The following PCDHGA11 variants were observed in gnomAD, a reference collection of about 807,000 sequenced individuals.
The protein encoded by PCDHGA11 is protocadherin gamma subfamily A, 11, also known as protocadherin gamma-A11.
Under a neutral mutation model 60.4 loss-of-function variants are expected in PCDHGA11, and 39 were observed. That is an observed-to-expected ratio of 0.65 (90% CI 0.50 to 0.84). The LOEUF (loss-of-function observed/expected upper bound fraction) is 0.84, where lower values mean the gene tolerates loss of function less well. Among genes scored for constraint, PCDHGA11 ranks in the 40% least tolerant of loss-of-function variants. The pLI is 0.00. For synonymous variants in PCDHGA11, 533 were observed against 510.3 expected, an observed-to-expected ratio of 1.04 and a Z score of -0.60; for missense variants, 1,165 against 1,197.7, an observed-to-expected ratio of 0.97 and a Z score of 0.40.
intron 1 of PCDHGA11, among the ~76,000 whole-genome samples, chr5:141,470,664 G>A (rs1308061207): frequency 6.6e-6 from 1 of 151,882 alleles, no homozygotes; most frequent in Non-Finnish European, 1.5e-5. Context: ...CTTTGGTTAG[G>A]GCTCTGCTGT....
rs750033444 is a variant in PCDHGA11 at position 141,432,950 on chromosome 5, G to C, written c.2433+9290G>C. 1.2e-6 allele frequency: 2 copies of C among 1,614,190 alleles called. No homozygotes were observed. The highest frequency in any genetic ancestry group is 1.7e-6 in the Non-Finnish European group (2 of 1,180,032). ...ACGCCTGCTGCAGGCTTCAGGAGGC[G>C]GCTTGACAGGAGCGCCGGCGTCGCA... On this transcript the variant is annotated intron_variant, in intron 1 of 3. Transcript: ENST00000398587. The surrounding 1 kb of genome is among the most constrained non-coding windows in gnomAD (Gnocchi z 6.0).
At chr5:141,450,006 C>CTATTTTTTTTT (rs70988802) in intron 1 of PCDHGA11, among the ~76,000 whole-genome samples, 2 of 132,964 alleles carry the variant, frequency 1.5e-5, no homozygotes, top group African/African-American at 2.8e-5. Flanking sequence ...TGCCATGTCT[C>CTATTTTTTTTT]TTTTTTTTTT....
Position 141,423,286 on chromosome 5 carries a change from ACCT to A in PCDHGA11, c.2061_2063del (p.Ser688del), listed in dbSNP as rs554024395. 8.7e-3 allele frequency: 13,966 copies of A among 1,613,746 alleles called. 98 individuals are homozygous for A. The highest frequency in any genetic ancestry group is 0.011 in the Middle Eastern group (68 of 6,062). ...CCTCGAGTCTCTGGCTAACTCTGAAACCTCAGACCTCTCGCTGTACTTGGTGGT... is the reference window on the plus strand; with the variant it reads ...CCTCGAGTCTCTGGCTAACTCTGAAACAGACCTCTCGCTGTACTTGGTGGT... On this transcript the variant is annotated inframe_deletion, in exon 1 of 4. Transcript: ENST00000398587.
At chr5:141,446,657 A>G (rs2098510367) in intron 1 of PCDHGA11, among the ~76,000 whole-genome samples, 1 of 152,092 alleles carries the variant, frequency 6.6e-6, no homozygotes, top group African/African-American at 2.4e-5. Context: ...TTGTATTTTT[A>G]GTACAAGACA....
At chr5:141,459,984 A>G (rs906041823) in intron 1 of PCDHGA11, among the ~76,000 whole-genome samples, 4 of 152,216 alleles carry the variant, frequency 2.6e-5, no homozygotes, top group Non-Finnish European at 5.9e-5. Flanking sequence ...AGGCTGAGAC[A>G]GGAGAATCGC....
At chr5:141,501,308 C>T (rs1220463692) in intron 2 of PCDHGA11, among the ~76,000 whole-genome samples, 2 of 151,492 alleles carry the variant, frequency 1.3e-5, no homozygotes, top group African/African-American at 2.4e-5. Context: ...CACACACACA[C>T]ACACACACAC....
intron 1 of PCDHGA11, among the ~76,000 whole-genome samples, chr5:141,473,422 A>C (rs2154571673): frequency 6.6e-6 from 1 of 152,332 alleles, no homozygotes; most frequent in African/African-American, 2.4e-5. Context: ...TGGGGGAAGC[A>C]GATACTTTGC....
rs116187844 is a variant in PCDHGA11, at chr5:141,424,198, C to T, written c.2433+538C>T. The T allele has an allele frequency of 8.5e-3, 1,543 of 182,010 alleles. 28 individuals are homozygous for T. Among genetic ancestry groups the T allele is most frequent in the African/African-American group, 0.035 (1,445 of 41,852 alleles). The allele number at this position is 182,010 out of a possible 1,614,324, so 11.3% of individuals were successfully genotyped here. ...ATACACATGCACACACACTTATACA[C>T]GTAAGCTTTTCTCTGAGCAATTTTA... On this transcript the variant is annotated intron_variant, in intron 1 of 3. Coordinates refer to ENST00000398587, the MANE Select transcript of PCDHGA11 (RefSeq NM_018914.3).
chr5:141,489,312 G>A lies in PCDHGA11; in HGVS notation c.2434-5495G>A, dbSNP rs745541067. The A allele has an allele frequency of 2.5e-6, 4 of 1,594,972 alleles. No homozygotes were observed. The highest frequency in any genetic ancestry group is 2.6e-6 in the Non-Finnish European group (3 of 1,169,822). On this transcript the variant is annotated intron_variant, in intron 1 of 3. Transcript: ENST00000398587. This position sits in a 1 kb window ranked among gnomAD's most constrained non-coding sequence, Gnocchi z 4.5. ...TGTGCATGTTGTCCTTGTGCTGCTG[G>A]GGCTGGGTGTCTGGGCAGCTTCGTT...
chr5:141,494,948 G>C (rs909146), intron 2 of PCDHGA11, 83 bp downstream of exon 2: 1 of 1,608,226 alleles, frequency 6.2e-7, no homozygotes, highest in South Asian at 1.1e-5. Flanking sequence ...GGAGGGCCCA[G>C]CATTTGCTAC....
chr5:141,429,379 T>G (rs573911129), intron 1 of PCDHGA11, among the ~76,000 whole-genome samples: 5 of 151,382 alleles, frequency 3.3e-5, no homozygotes, highest in East Asian at 1.9e-4. Context: ...GAAAATGTGT[T>G]TTTTTTTTAA....
At chr5:141,505,015 A>G (rs965107997) in intron 2 of PCDHGA11, among the ~76,000 whole-genome samples, 1 of 152,160 alleles carries the variant, frequency 6.6e-6, no homozygotes, top group Admixed American at 6.5e-5. Flanking sequence ...TACAAAAATT[A>G]GCCTGGCACA....
At chr5:141,507,842 C>CT (rs2099864170) in intron 3 of PCDHGA11, among the ~76,000 whole-genome samples, 1 of 152,230 alleles carries the variant, frequency 6.6e-6, no homozygotes, top group Admixed American at 6.5e-5. Flanking sequence ...GGGTCAGGCC[C>CT]TGCTCTCACT....
chr5:141,432,506 G>A lies in PCDHGA11; in HGVS notation c.2433+8846G>A. 3 of 1,614,140 alleles carry A rather than the reference G, an allele frequency of 1.9e-6. No homozygotes were observed. Among genetic ancestry groups the A allele is most frequent in the Non-Finnish European group, 2.5e-6 (3 of 1,180,036 alleles). On this transcript the variant is annotated intron_variant, in intron 1 of 3. Transcript: ENST00000398587. This position sits in a 1 kb window ranked among gnomAD's most constrained non-coding sequence, Gnocchi z 6.0. ...CGTGGAGCTGGCTCCCCGCTCCGCA[G>A]AGCCCGGCTACCTGGTGACCAAGGT... is the stretch of plus-strand genomic sequence containing the variant.
chr5:141,482,891 G>A (rs1594277958), intron 1 of PCDHGA11, among the ~76,000 whole-genome samples: 2 of 152,168 alleles, frequency 1.3e-5, no homozygotes, highest in East Asian at 3.8e-4. Flanking sequence ...GGCCAACATG[G>A]TGAAACCTCA....
At chr5:141,443,844 G>T (rs976057583) in intron 1 of PCDHGA11, among the ~76,000 whole-genome samples, 1 of 152,130 alleles carries the variant, frequency 6.6e-6, no homozygotes, top group African/African-American at 2.4e-5. Flanking sequence ...GGGTAATATG[G>T]AAAGTCTGAA....
rs1461837957 is a variant in PCDHGA11, at chr5:141,432,613, G to C, written c.2433+8953G>C. The C allele has an allele frequency of 6.2e-7, 1 of 1,613,946 alleles. No homozygotes were observed. The highest frequency in any genetic ancestry group is 1.3e-5 in the African/African-American group (1 of 75,056). On this transcript the variant is annotated intron_variant, in intron 1 of 3. Coordinates refer to ENST00000398587, the MANE Select transcript of PCDHGA11 (RefSeq NM_018914.3). The surrounding 1 kb of genome is among the most constrained non-coding windows in gnomAD (Gnocchi z 6.0). ...AGGCCAGCGAGCCGGGACTCTTCTC[G>C]GTGGGTCTGCACACGGGCGAGGTGC...
intron 1 of PCDHGA11, chr5:141,441,038 G>A (rs1263659082): frequency 6.6e-6 from 1 of 152,156 alleles, no homozygotes; most frequent in African/African-American, 2.4e-5. Context: ...AAAACTTTAA[G>A]TACATTGGAC....
chr5:141,508,901 C>T (rs1466455227), intron 3 of PCDHGA11, among the ~76,000 whole-genome samples: 1 of 151,946 alleles, frequency 6.6e-6, no homozygotes, highest in South Asian at 2.1e-4. Flanking sequence ...GGGGGCGGGG[C>T]GGTGGCGGAT....
Sources: gnomAD v4.1 joint callset for allele counts (sites outside exome capture counted in the v4.1 genomes callset) on GRCh38, gnomAD v4.1.1 for gene constraint, Gnocchi (gnomAD v3.1) non-coding constraint, MANE v1.5 for transcripts, NCBI Gene and HGNC (gene_info 2026-07-23, HGNC 2026-07-21) for gene names.